Variants in GNAL observed in about 807,000 individuals in gnomAD.
GNAL encodes the protein guanine nucleotide-binding protein G(olf) subunit alpha.
In GNAL, 18 loss-of-function variants were observed where a neutral mutation model predicts 55.1. The observed-to-expected ratio is 0.33, with a 90% CI of 0.23 to 0.48. The LOEUF (loss-of-function observed/expected upper bound fraction) is 0.48. GNAL is among the 20% of genes least tolerant of loss of function. GNAL has a pLI of 0.99. For synonymous variants in GNAL, 253 were observed against 237.0 expected (o/e 1.07, Z -0.62); for missense variants, 412 against 614.1 (o/e 0.67, Z 3.48).
At chr18:11,821,832 C>A (rs1293782317) in intron 4 of GNAL, among the ~76,000 whole-genome samples, 1 of 152,224 alleles carries the variant, frequency 6.6e-6, no homozygotes, top group Non-Finnish European at 1.5e-5. Flanking sequence ...AATGTCCTCC[C>A]TTTCCAGCTC....
At chr18:11,813,274 A>G (rs562071515) in intron 4 of GNAL, among the ~76,000 whole-genome samples, 5 of 152,184 alleles carry the variant, frequency 3.3e-5, no homozygotes, top group South Asian at 2.1e-4. Context: ...AAAAAAAGAC[A>G]TAAGTAGAGA....
Position 11,868,524 on chromosome 18 carries a change from C to G in GNAL, c.911-19C>G. 6.2e-7 allele frequency: 1 copy of G among 1,603,024 alleles called. No individual in the cohort carries two copies. Among genetic ancestry groups the G allele is most frequent in the Non-Finnish European group, 8.5e-7 (1 of 1,175,142 alleles). On this transcript the variant is annotated intron_variant, in intron 8 of 11. Coordinates refer to ENST00000334049, the MANE Select transcript of GNAL (RefSeq NM_182978.4). This position sits in a 1 kb window ranked among gnomAD's most constrained non-coding sequence, Gnocchi z 4.0. ...TGAGGATGTCTAACTGAGGTGCTTT[C>G]CTTTTTCTCCCCACCAAGATGTCAC...
chr18:11,794,381 G>A (rs2034321109), intron 4 of GNAL, among the ~76,000 whole-genome samples: 1 of 152,162 alleles, frequency 6.6e-6, no homozygotes, highest in African/African-American at 2.4e-5. Flanking sequence ...TCCGTGCAAG[G>A]GAATATTACT....
At chr18:11,855,419 C>G (rs868536723) in intron 5 of GNAL, among the ~76,000 whole-genome samples, 1 of 152,180 alleles carries the variant, frequency 6.6e-6, no homozygotes, top group South Asian at 2.1e-4. Context: ...TTTCATTTTT[C>G]CGCCTTCAAG....
At chr18:11,855,770 C>T (rs530918786) in intron 5 of GNAL, among the ~76,000 whole-genome samples, 10 of 152,184 alleles carry the variant, frequency 6.6e-5, no homozygotes, top group South Asian at 2.1e-4. Context: ...GTTGGAAGTT[C>T]GAGACCAGCC....
At chr18:11,692,522 C>T (rs1217531717) in intron 1 of GNAL, among the ~76,000 whole-genome samples, 2 of 152,114 alleles carry the variant, frequency 1.3e-5, no homozygotes, top group African/African-American at 4.8e-5. Flanking sequence ...GAATTTCATA[C>T]CTCGTTAAAC....
chr18:11,746,306 A>G, intron 1 of GNAL: 1 of 331,654 alleles, frequency 3.0e-6, no homozygotes, highest in Non-Finnish European at 5.9e-6. Flanking sequence ...CCTTTTTAAC[A>G]ATGATATTAA....
Position 11,884,759 on chromosome 18 carries a change from C to T in GNAL, c.*3624C>T. 1 of 1,328,740 alleles carries T rather than the reference C, an allele frequency of 7.5e-7. No individual in the cohort carries two copies. Among genetic ancestry groups the T allele is most frequent in the Non-Finnish European group, 1.0e-6 (1 of 991,630 alleles). 82.3% of individuals were successfully genotyped at this position (1,328,740 alleles called of 1,614,324 possible). On this transcript the variant is annotated 3_prime_UTR_variant, in exon 12 of 12. Transcript: ENST00000334049. ...GAGGCAGGGAACGGGCCCTCCTCACCTGAGACCAAGGGGGCCCAGCCTTCT... is the reference window on the plus strand; with the variant it reads ...GAGGCAGGGAACGGGCCCTCCTCACTTGAGACCAAGGGGGCCCAGCCTTCT...
At chr18:11,737,541 G>T (rs1029137044) in intron 1 of GNAL, among the ~76,000 whole-genome samples, 2 of 152,070 alleles carry the variant, frequency 1.3e-5, no homozygotes, top group Non-Finnish European at 2.9e-5. Flanking sequence ...CTGCCCTCCT[G>T]CCCACTCTCC....
intron 4 of GNAL, among the ~76,000 whole-genome samples, chr18:11,824,697 A>T (rs200921377): frequency 2.0e-4 from 5 of 24,544 alleles, no homozygotes; most frequent in Admixed American, 9.0e-4. Flanking sequence ...CAAAAAAAAA[A>T]CAAAAAACTT....
At chr18:11,770,388 A>T (rs1010025289) in intron 4 of GNAL, among the ~76,000 whole-genome samples, 10 of 152,218 alleles carry the variant, frequency 6.6e-5, no homozygotes, top group Admixed American at 2.6e-4. Context: ...CATCTCTGAA[A>T]AAAGAAAAAA....
At chr18:11,725,681 G>A (rs902823640) in intron 1 of GNAL, among the ~76,000 whole-genome samples, 1 of 152,122 alleles carries the variant, frequency 6.6e-6, no homozygotes, top group South Asian at 2.1e-4. Context: ...TTCACCTGTT[G>A]GACATCTTGG....
At chr18:11,834,050 TA>T (rs2035447864) in intron 5 of GNAL, among the ~76,000 whole-genome samples, 1 of 152,236 alleles carries the variant, frequency 6.6e-6, no homozygotes, top group Admixed American at 6.5e-5. Context: ...ATGCAATTTA[TA>T]GCCAATGCCA....
intron 4 of GNAL, among the ~76,000 whole-genome samples, chr18:11,807,375 A>C (rs2034692779): frequency 6.6e-6 from 1 of 152,232 alleles, no homozygotes; most frequent in African/African-American, 2.4e-5. Flanking sequence ...GGCTGTGGCC[A>C]TAACTGCGTG....
At position 11,884,241 on chromosome 18, in the gene GNAL, G is replaced by C. The variant is rs1064237; in HGVS notation, c.*3106G>C. ...TTGATAAAAATGAGAAAACAGATTT[G>C]TTGTAGAGTACCTGTCCACTTTTAT... On this transcript the variant is annotated 3_prime_UTR_variant, in exon 12 of 12. Coordinates refer to ENST00000334049, the MANE Select transcript of GNAL (RefSeq NM_182978.4). 6 of 553,868 alleles carry C rather than the reference G, an allele frequency of 1.1e-5. No homozygotes were observed. In the African/African-American group the frequency reaches 1.1e-4, roughly 10 times the overall value. The allele number at this position is 553,868 out of a possible 1,614,324, so 34.3% of individuals were successfully genotyped here.
chr18:11,851,794 G>C, intron 5 of GNAL: 4 of 1,614,004 alleles, frequency 2.5e-6, no homozygotes, highest in Non-Finnish European at 3.4e-6. Context: ...GATGGCTGGT[G>C]TGGTTAAGTC....
chr18:11,856,308 G>A (rs1011876538), intron 5 of GNAL, among the ~76,000 whole-genome samples: 4 of 151,344 alleles, frequency 2.6e-5, no homozygotes, highest in African/African-American at 7.4e-5. Flanking sequence ...TAGGGAGCCC[G>A]GGCCAGGCAA....
chr18:11,733,920 T>G (rs2143452227), intron 1 of GNAL, among the ~76,000 whole-genome samples: 1 of 150,660 alleles, frequency 6.6e-6, no homozygotes, highest in East Asian at 2.0e-4. Context: ...TGTGTGCGTG[T>G]CATTCTGCAC....
intron 4 of GNAL, among the ~76,000 whole-genome samples, chr18:11,784,291 C>G (rs952243442): frequency 6.6e-6 from 1 of 152,226 alleles, no homozygotes; most frequent in Non-Finnish European, 1.5e-5. Flanking sequence ...TACCCCTAAT[C>G]TGACTGCTTC....
Sources: allele counts gnomAD v4.1 joint callset (sites outside exome capture counted in the v4.1 genomes callset), GRCh38; gene constraint gnomAD v4.1.1; non-coding constraint Gnocchi (gnomAD v3.1); transcripts MANE v1.5; gene names NCBI Gene and HGNC (gene_info 2026-07-23, HGNC 2026-07-21).